Variants in DOCK11 observed in about 807,000 individuals in gnomAD.
The protein encoded by DOCK11 is dedicator of cytokinesis protein 11.
Under a neutral mutation model 169.1 loss-of-function variants are expected in DOCK11, and 70 were observed. The ratio of observed to expected loss-of-function variants is 0.41; its 90% CI spans 0.34 to 0.51. DOCK11 has a LOEUF of 0.51. Among genes scored for constraint, DOCK11 ranks in the 20% least tolerant of loss-of-function variants. DOCK11 has a pLI of 0.10. For synonymous variants in DOCK11, 529 were observed against 541.3 expected (o/e 0.98, Z 0.32); for missense variants, 1,166 against 1,538.8 (o/e 0.76, Z 4.05).
chrX:118,634,723 AT>A (rs2015342453), intron 35 of DOCK11, among the ~76,000 whole-genome samples: 2 of 111,699 alleles, frequency 1.8e-5, no homozygotes, highest in South Asian at 3.8e-4. Flanking sequence ...CTTGATATAT[AT>A]TTTTTTAATT....
At chrX:118,558,315 G>C (rs1261339594) in intron 6 of DOCK11, among the ~76,000 whole-genome samples, 1 of 110,954 alleles carries the variant, frequency 9.0e-6, no homozygotes, top group Non-Finnish European at 1.9e-5. Flanking sequence ...TCAGTTTGCT[G>C]TTAGGTAAAA....
At chrX:118,655,190 G>A (rs899341641) in intron 44 of DOCK11, among the ~76,000 whole-genome samples, 2 of 111,831 alleles carry the variant, frequency 1.8e-5, no homozygotes, top group African/African-American at 6.5e-5. Context: ...AGGGTGGCCA[G>A]GTGCAGTGGC....
At chrX:118,653,369 T>G (rs1244178268) in intron 42 of DOCK11, among the ~76,000 whole-genome samples, 4 of 111,252 alleles carry the variant, frequency 3.6e-5, no homozygotes, top group Non-Finnish European at 5.6e-5. Flanking sequence ...ATTATTATTT[T>G]TAAAGGGAGT....
chrX:118,656,745 C>G (rs1383708136), intron 44 of DOCK11, among the ~76,000 whole-genome samples: 1 of 111,639 alleles, frequency 9.0e-6, no homozygotes, highest in Non-Finnish European at 1.9e-5. Flanking sequence ...AGGTGATCAC[C>G]TGAGGTCAGG....
chrX:118,536,041 C>T (rs2011740755), intron 1 of DOCK11, among the ~76,000 whole-genome samples: 1 of 111,970 alleles, frequency 8.9e-6, no homozygotes, highest in African/African-American at 3.2e-5. Context: ...GACACAGTGG[C>T]TCATGCCAGC....
intron 1 of DOCK11, among the ~76,000 whole-genome samples, chrX:118,504,287 C>T (rs1283462489): frequency 3.6e-5 from 4 of 111,648 alleles, no homozygotes; most frequent in Non-Finnish European, 7.5e-5. Context: ...TGACCACAGA[C>T]CCTGCCCCAC....
intron 44 of DOCK11, among the ~76,000 whole-genome samples, chrX:118,656,077 C>T (rs1185604703): frequency 9.1e-6 from 1 of 109,702 alleles, no homozygotes; most frequent in African/African-American, 3.3e-5. Context: ...ATCACTTGAG[C>T]CCAGGAATTT....
chrX:118,638,348 T>C (rs145781379), intron 37 of DOCK11, among the ~76,000 whole-genome samples: 3,553 of 111,952 alleles, frequency 0.032, 132 homozygotes, highest in African/African-American at 0.11. Context: ...AGTTTCTACC[T>C]TGTGAGATGC....
chrX:118,552,367 A>G (rs1329021239), intron 6 of DOCK11, among the ~76,000 whole-genome samples: 1 of 111,932 alleles, frequency 8.9e-6, no homozygotes, highest in Non-Finnish European at 1.9e-5. Flanking sequence ...AGTGCATTCA[A>G]GTCGATGGGC....
chrX:118,648,912 T>C (rs969857869), intron 40 of DOCK11, 33 bp from the exon 41 acceptor site: 1 of 1,130,037 alleles, frequency 8.8e-7, no homozygotes, highest in African/African-American at 1.8e-5. Context: ...GATTGGATTT[T>C]AAATACTTAT....
chrX:118,620,352 G>A (rs1300503687), intron 31 of DOCK11, among the ~76,000 whole-genome samples: 2 of 111,665 alleles, frequency 1.8e-5, no homozygotes, highest in Admixed American at 9.5e-5. Flanking sequence ...TTGGAAGGCT[G>A]ACTTGGAGCT....
intron 1 of DOCK11, among the ~76,000 whole-genome samples, chrX:118,539,204 T>G (rs367621708): frequency 6.2e-5 from 7 of 112,468 alleles, no homozygotes; most frequent in African/African-American, 2.3e-4. Flanking sequence ...GAAACTTTGT[T>G]TTCTATAACA....
rs1223604939 is a variant in DOCK11, at chrX:118,665,886, G to T, written c.5076+3094G>T. Among the ~76,000 whole-genome samples the T allele has an allele frequency of 1.0e-4, 11 of 108,999 alleles. No individual in the cohort carries two copies. The Admixed American group carries it at 1.1e-3, about 11-fold the overall frequency. The allele number at this position is 108,999 out of a possible 115,157, so 94.7% of individuals were successfully genotyped here. A position where few individuals can be genotyped will look rare whatever the true frequency, so the allele number is the denominator to read the frequency against. ...TGTATTTCTGACTTGATTTGCAACA[G>T]TTTTTTTTTTCTGCATGACACCACC... On this transcript the variant is annotated intron_variant, in intron 45 of 52. Transcript: ENST00000276202.
intron 32 of DOCK11, among the ~76,000 whole-genome samples, chrX:118,625,396 A>T (rs1373177841): frequency 9.0e-6 from 1 of 110,602 alleles, no homozygotes; most frequent in African/African-American, 3.3e-5. Flanking sequence ...ACCTCAGGTG[A>T]TCTACCCACC....
intron 30 of DOCK11, chrX:118,616,201 G>GATTT: frequency 2.1e-6 from 2 of 957,306 alleles, no homozygotes; most frequent in Non-Finnish European, 2.7e-6. Flanking sequence ...ATATTAATTA[G>GATTT]ATTTTTTTTC....
intron 19 of DOCK11, among the ~76,000 whole-genome samples, chrX:118,591,577 TA>T (rs2013992866): frequency 9.3e-6 from 1 of 107,933 alleles, no homozygotes; most frequent in African/African-American, 3.3e-5. Context: ...TTTTTTTTTT[TA>T]TAGCTCTGAT....
chrX:118,514,233 C>T (rs1052381909), intron 1 of DOCK11, among the ~76,000 whole-genome samples: 1 of 107,262 alleles, frequency 9.3e-6, no homozygotes, highest in African/African-American at 3.4e-5. Flanking sequence ...TTTCCTGAGG[C>T]CCCCCCCATC....
chrX:118,566,089 A>G lies in DOCK11; in HGVS notation c.778A>G (p.Met260Val). 8.3e-7 allele frequency: 1 copy of G among 1,209,768 alleles called. No individual in the cohort carries two copies. ...HYLAAETEQE[M>V]EEWLITLKKI... ...TCTGGCTGCTGAAACTGAGCAGGAA[A>G]TGGAGGAATGGTTGATAACTTTGAA... Residue 260 changes from methionine to valine, a missense_variant, in exon 8 of 53, where the codon ATG (methionine) becomes GTG (valine). Physicochemically the swap from Met to Val is conservative, Grantham distance 21. Coordinates refer to ENST00000276202, the MANE Select transcript of DOCK11 (RefSeq NM_144658.4).
chrX:118,663,714 C>T (rs1031189574), intron 45 of DOCK11, among the ~76,000 whole-genome samples: 2 of 87,555 alleles, frequency 2.3e-5, no homozygotes, highest in Non-Finnish European at 4.3e-5. Context: ...CTCGCTATGT[C>T]GCCAGGCTGG....
Sources: allele counts gnomAD v4.1 joint callset (sites outside exome capture counted in the v4.1 genomes callset), GRCh38; gene constraint gnomAD v4.1.1; transcripts MANE v1.5; gene names NCBI Gene and HGNC (gene_info 2026-07-23, HGNC 2026-07-21).